TBC1D32: variants seen among roughly 807,000 people sequenced by gnomAD.
TBC1D32 encodes the protein protein broad-minded.
Under a neutral mutation model 170.3 loss-of-function variants are expected in TBC1D32, and 151 were observed. The ratio of observed to expected loss-of-function variants is 0.89; its 90% CI spans 0.78 to 1.01. The LOEUF is 1.01. Among genes scored for constraint, TBC1D32 ranks in the 50% least tolerant of loss-of-function variants. The pLI, the probability that TBC1D32 is intolerant of heterozygous loss-of-function variation, is 0.00. For synonymous variants in TBC1D32, 498 were observed against 488.0 expected, an observed-to-expected ratio of 1.02 and a Z score of -0.27; for missense variants, 1,464 against 1,457.1, an observed-to-expected ratio of 1.00 and a Z score of -0.08.
chr6:121,108,653 T>G (rs550345240), intron 29 of TBC1D32, among the ~76,000 whole-genome samples: 1 of 151,838 alleles, frequency 6.6e-6, no homozygotes, highest in South Asian at 2.1e-4. Flanking sequence ...AATAAAAGAT[T>G]TATGCTTAAA....
At chr6:121,176,880 T>C (rs7454936) in intron 22 of TBC1D32, among the ~76,000 whole-genome samples, 2,847 of 152,170 alleles carry the variant, frequency 0.019, 97 homozygotes, top group African/African-American at 0.065. Flanking sequence ...GGATTACAGG[T>C]GTGAGCCACC....
intron 2 of TBC1D32, among the ~76,000 whole-genome samples, chr6:121,320,216 G>GAA (rs200601919): frequency 3.9e-4 from 29 of 73,636 alleles, no homozygotes; most frequent in African/African-American, 1.3e-3. Context: ...AAAAGAAAAA[G>GAA]AAAAAAAAAA....
intron 22 of TBC1D32, among the ~76,000 whole-genome samples, chr6:121,181,747 T>C (rs1788541120): frequency 6.6e-6 from 1 of 151,958 alleles, no homozygotes; most frequent in South Asian, 2.1e-4. Flanking sequence ...AACAAATAAA[T>C]AAAGAAAACG....
At chr6:121,141,133 T>A (rs549409097) in intron 24 of TBC1D32, among the ~76,000 whole-genome samples, 1 of 121,568 alleles carries the variant, frequency 8.2e-6, no homozygotes, top group East Asian at 2.0e-4. Context: ...AGACTATACA[T>A]AAATACATAA....
At chr6:121,110,796 A>G (rs1402826883) in intron 29 of TBC1D32, among the ~76,000 whole-genome samples, 1 of 152,224 alleles carries the variant, frequency 6.6e-6, no homozygotes, top group Non-Finnish European at 1.5e-5. Context: ...ATACTGTCGT[A>G]TAAATGTAAG....
chr6:121,102,528 C>A (rs369077557), intron 30 of TBC1D32, among the ~76,000 whole-genome samples: 3 of 152,228 alleles, frequency 2.0e-5, no homozygotes, highest in Non-Finnish European at 2.9e-5. Flanking sequence ...GGAAAACTGG[C>A]TAGCCATATG....
chr6:121,103,046 G>A (rs1778299103), intron 30 of TBC1D32, among the ~76,000 whole-genome samples: 1 of 152,080 alleles, frequency 6.6e-6, no homozygotes, highest in Admixed American at 6.6e-5. Flanking sequence ...ACCATCTCAT[G>A]CCAGTTAGAA....
At chr6:121,211,521 C>G (rs556913876) in intron 21 of TBC1D32, among the ~76,000 whole-genome samples, 1 of 152,088 alleles carries the variant, frequency 6.6e-6, no homozygotes, top group Admixed American at 6.5e-5. Flanking sequence ...TATGCCTTTG[C>G]GTCCTCATAG....
chr6:121,274,666 C>T (rs1031237918), intron 15 of TBC1D32, among the ~76,000 whole-genome samples: 1 of 151,956 alleles, frequency 6.6e-6, no homozygotes, highest in Non-Finnish European at 1.5e-5. Context: ...AACATCATAA[C>T]ATTTTGGATA....
rs1175915302 is a variant in TBC1D32, at chr6:121,098,807, C to G, written c.3465+7216G>C. Among the ~76,000 whole-genome samples the G allele has an allele frequency of 7.2e-5, 11 of 151,836 alleles. 1 individual carries two copies. On this transcript the variant is annotated intron_variant, in intron 30 of 31. Coordinates refer to ENST00000398212, the MANE Select transcript of TBC1D32 (RefSeq NM_152730.6). ...CACTTGTATATGATCCAGGATATTT[C>G]CATTTGGACATATATTAAAGGATAA... is the stretch of plus-strand genomic sequence containing the variant.
chr6:121,275,904 C>T (rs1355260934), intron 15 of TBC1D32, among the ~76,000 whole-genome samples: 1 of 152,064 alleles, frequency 6.6e-6, no homozygotes, highest in South Asian at 2.1e-4. Flanking sequence ...GCAGGCAGAT[C>T]GCTTGAGCTC....
chr6:121,208,928 G>T (rs924584491), intron 21 of TBC1D32, among the ~76,000 whole-genome samples: 5 of 151,974 alleles, frequency 3.3e-5, no homozygotes, highest in African/African-American at 1.2e-4. Context: ...TTAATAAAAG[G>T]GGAGAGGGTG....
chr6:121,192,358 G>A (rs1790190111), intron 22 of TBC1D32: 1 of 152,076 alleles, frequency 6.6e-6, no homozygotes, highest in Non-Finnish European at 1.5e-5. Flanking sequence ...AAGGAGTTTA[G>A]TGACTCTACA....
intron 12 of TBC1D32, among the ~76,000 whole-genome samples, chr6:121,286,515 T>G (rs1030502113): frequency 6.6e-5 from 10 of 151,858 alleles, no homozygotes; most frequent in Non-Finnish European, 1.3e-4. Flanking sequence ...AAAGACCAAA[T>G]CTACGTCTGA....
chr6:121,142,907 T>C (rs1782977283), intron 24 of TBC1D32, among the ~76,000 whole-genome samples: 1 of 152,168 alleles, frequency 6.6e-6, no homozygotes, highest in African/African-American at 2.4e-5. Flanking sequence ...CAATCTCCAG[T>C]AGTTCACCTT....
chr6:121,246,314 C>T (rs1039807220), intron 17 of TBC1D32, among the ~76,000 whole-genome samples: 2 of 151,922 alleles, frequency 1.3e-5, no homozygotes, highest in African/African-American at 4.8e-5. Flanking sequence ...AACCTAAAAG[C>T]ACGAAGAATT....
In TBC1D32 at chr6:121,131,771, T is replaced by C. The variant is rs199931954; in HGVS notation, c.2774-19A>G. 2.6e-6 allele frequency: 4 copies of C among 1,557,806 alleles called. No individual in the cohort carries two copies. The highest frequency in any genetic ancestry group is 3.5e-6 in the Non-Finnish European group (4 of 1,136,840). On this transcript the variant is annotated intron_variant, in intron 24 of 31. Transcript: ENST00000398212. Reference sequence around the variant, plus strand: ...TCATTGTCTAATCAGAAAGATAACATACTATTATAATAAGACATGCTAGAT... The same window carrying C: ...TCATTGTCTAATCAGAAAGATAACACACTATTATAATAAGACATGCTAGAT...
chr6:121,105,099 C>CG (rs1225994521), intron 30 of TBC1D32, among the ~76,000 whole-genome samples: 1 of 151,672 alleles, frequency 6.6e-6, no homozygotes, highest in Admixed American at 6.6e-5. Context: ...ATCTACAAAT[C>CG]AATAAGAAAC....
chr6:121,141,239 T>C (rs1278653086), intron 24 of TBC1D32, among the ~76,000 whole-genome samples: 29 of 152,140 alleles, frequency 1.9e-4, no homozygotes, highest in Admixed American at 1.9e-3. Flanking sequence ...AAGGTGGAGA[T>C]AACTTCTCTG....
Sources: gnomAD v4.1 joint callset for allele counts (sites outside exome capture counted in the v4.1 genomes callset) on GRCh38, gnomAD v4.1.1 for gene constraint, MANE v1.5 for transcripts, NCBI Gene and HGNC (gene_info 2026-07-23, HGNC 2026-07-21) for gene names.